PEX5L: variants seen among roughly 807,000 people sequenced by gnomAD.
PEX5L encodes PEX5-related protein.
Under a neutral mutation model 84.0 loss-of-function variants are expected in PEX5L, and 30 were observed. The ratio of observed to expected loss-of-function variants is 0.36; its 90% CI spans 0.27 to 0.48. The LOEUF is 0.48. Ranked by LOEUF, PEX5L falls within the 20% of genes least tolerant of loss-of-function variation. The pLI, the probability that PEX5L is intolerant of heterozygous loss-of-function variation, is 0.99. For synonymous variants in PEX5L, 270 were observed against 283.1 expected, an observed-to-expected ratio of 0.95 and a Z score of 0.46; for missense variants, 533 against 754.6, an observed-to-expected ratio of 0.71 and a Z score of 3.44.
At chr3:179,944,003 C>A (rs1310255008) in intron 2 of PEX5L, among the ~76,000 whole-genome samples, 1 of 151,290 alleles carries the variant, frequency 6.6e-6, no homozygotes, top group East Asian at 2.0e-4. Context: ...TATGCCCTCC[C>A]CCCCCCAAAA....
At chr3:180,025,957 G>A (rs960514820) in intron 1 of PEX5L, among the ~76,000 whole-genome samples, 4 of 152,102 alleles carry the variant, frequency 2.6e-5, no homozygotes, top group African/African-American at 9.7e-5. Flanking sequence ...GGAAAGCGGG[G>A]GTTAGGGAGG....
chr3:179,898,344 A>C (rs944225939), intron 2 of PEX5L, 98 bp from the exon 3 acceptor site: 3 of 775,450 alleles, frequency 3.9e-6, no homozygotes, highest in Non-Finnish European at 2.0e-6. Flanking sequence ...TCCAACATAA[A>C]TGAAGAGGTA....
rs533236949 is a variant in PEX5L, at chr3:179,903,289, C to T, written c.94-5043G>A. On this transcript the variant is annotated intron_variant, in intron 2 of 14. Transcript: ENST00000467460. Reference sequence around the variant, plus strand: ...AGGCTGGAGTGCAGTGGTGTGATCTCGGTTCACTGCAACCTCAACCTCCTC... The same window carrying T: ...AGGCTGGAGTGCAGTGGTGTGATCTTGGTTCACTGCAACCTCAACCTCCTC... Among the ~76,000 whole-genome samples the T allele has an allele frequency of 6.6e-5, 10 of 151,880 alleles. No individual in the cohort carries two copies. The South Asian group carries it at 8.3e-4, about 13-fold the overall frequency.
At chr3:179,933,982 C>T (rs1773870129) in intron 2 of PEX5L, among the ~76,000 whole-genome samples, 1 of 152,142 alleles carries the variant, frequency 6.6e-6, no homozygotes, top group African/African-American at 2.4e-5. Flanking sequence ...AAGGTTGTGC[C>T]AGGACTCAGA....
At chr3:179,831,634 G>C (rs911201483) in intron 8 of PEX5L, among the ~76,000 whole-genome samples, 4 of 152,194 alleles carry the variant, frequency 2.6e-5, no homozygotes, top group Non-Finnish European at 4.4e-5. Context: ...GCTGGGGTAA[G>C]GGGGAGGAAA....
At chr3:180,010,977 C>T (rs1789419252) in intron 1 of PEX5L, among the ~76,000 whole-genome samples, 1 of 152,036 alleles carries the variant, frequency 6.6e-6, no homozygotes, top group African/African-American at 2.4e-5. Flanking sequence ...TGTTGAAGAC[C>T]TGTGTTCAAA....
rs1780825479 is a variant in PEX5L at position 179,957,301 on chromosome 3, G to A, written c.93+14293C>T. 2.0e-5 allele frequency among the ~76,000 whole-genome samples: 3 copies of A among 152,276 alleles called. No individual in the cohort carries two copies. The South Asian group carries it at 6.2e-4, about 32-fold the overall frequency. ...ATACATCATAAGCATAATGTAGCTG[G>A]GGAGAAGGGCCCCAAGGGTGATTGC... On this transcript the variant is annotated intron_variant, in intron 2 of 14. Coordinates refer to ENST00000467460, the MANE Select transcript of PEX5L (RefSeq NM_016559.3).
chr3:179,916,609 C>A (rs892596676), intron 2 of PEX5L, among the ~76,000 whole-genome samples: 2 of 152,046 alleles, frequency 1.3e-5, no homozygotes, highest in African/African-American at 2.4e-5. Context: ...TTTCTTTCCT[C>A]AATAATTAAA....
chr3:179,986,471 C>T (rs1028333562), intron 1 of PEX5L, among the ~76,000 whole-genome samples: 12 of 145,490 alleles, frequency 8.2e-5, no homozygotes, highest in Admixed American at 2.1e-4. Context: ...GGCGCGATCT[C>T]GGCTCACCGC....
chr3:179,986,567 T>C (rs978390505), intron 1 of PEX5L, among the ~76,000 whole-genome samples: 4 of 151,982 alleles, frequency 2.6e-5, no homozygotes, highest in Non-Finnish European at 4.4e-5. Flanking sequence ...CACGCCCGGC[T>C]AATTTTTTGT....
At chr3:179,992,947 T>C (rs1183165607) in intron 1 of PEX5L, among the ~76,000 whole-genome samples, 1 of 152,144 alleles carries the variant, frequency 6.6e-6, no homozygotes, top group Admixed American at 6.5e-5. Context: ...GCACAGTCTA[T>C]AACTTAGTTT....
chr3:179,809,031 G>GCTCA (rs1234676923), intron 12 of PEX5L, among the ~76,000 whole-genome samples: 1 of 117,568 alleles, frequency 8.5e-6, no homozygotes, highest in African/African-American at 3.3e-5. Flanking sequence ...CCGAGATTGT[G>GCTCA]CCACTGCACT....
chr3:179,840,195 T>G (rs1328999010), intron 8 of PEX5L, among the ~76,000 whole-genome samples: 1 of 144,786 alleles, frequency 6.9e-6, no homozygotes, highest in African/African-American at 2.6e-5. Flanking sequence ...TTTTTTTTTT[T>G]TTTTTTTTTT....
At chr3:179,814,353 G>A (rs185547885) in intron 10 of PEX5L, among the ~76,000 whole-genome samples, 136 of 152,296 alleles carry the variant, frequency 8.9e-4, no homozygotes, top group Non-Finnish European at 1.8e-3. Context: ...AACACCCAAT[G>A]AGATAGTTAC....
rs559694229 is a variant in PEX5L, at chr3:179,922,456, T to C, written c.94-24210A>G. ...TCACTGCTTCCTTTTCTTTTCTTTT[T>C]TTTTTTTTTTTTGAAGGAGTCTTGC... On this transcript the variant is annotated intron_variant, in intron 2 of 14. Transcript: ENST00000467460. Among the ~76,000 whole-genome samples the C allele has an allele frequency of 5.1e-4, 77 of 150,646 alleles. No homozygotes were observed. The East Asian group carries it at 9.7e-3, about 19-fold the overall frequency.
chr3:180,006,485 G>A (rs544903927), intron 1 of PEX5L, among the ~76,000 whole-genome samples: 1 of 152,214 alleles, frequency 6.6e-6, no homozygotes, highest in East Asian at 1.9e-4. Context: ...CAAAGTTAGA[G>A]GAAGTTGAGG....
At chr3:179,945,771 T>G (rs745742538) in intron 2 of PEX5L, among the ~76,000 whole-genome samples, 3 of 152,244 alleles carry the variant, frequency 2.0e-5, no homozygotes, top group Non-Finnish European at 4.4e-5. Flanking sequence ...GTTCCTTTGC[T>G]GGACAGCTCT....
chr3:179,889,705 A>T (rs1235762348), intron 3 of PEX5L, among the ~76,000 whole-genome samples: 1 of 152,126 alleles, frequency 6.6e-6, no homozygotes, highest in African/African-American at 2.4e-5. Flanking sequence ...TCTGAGCCCC[A>T]GTGCTTTTTA....
chr3:179,989,931 G>A (rs879539119), intron 1 of PEX5L, among the ~76,000 whole-genome samples: 6 of 152,146 alleles, frequency 3.9e-5, no homozygotes, highest in South Asian at 4.1e-4. Context: ...GCCACTTTCC[G>A]ATAAACTCCT....
Sources: allele counts gnomAD v4.1 joint callset (sites outside exome capture counted in the v4.1 genomes callset), GRCh38; gene constraint gnomAD v4.1.1; transcripts MANE v1.5; gene names NCBI Gene and HGNC (gene_info 2026-07-23, HGNC 2026-07-21).